KLHL1: variants seen among roughly 807,000 people sequenced by gnomAD.
KLHL1 encodes the protein kelch-like protein 1.
Under a neutral mutation model 77.7 loss-of-function variants are expected in KLHL1, and 47 were observed. That is an observed-to-expected ratio of 0.60 (90% confidence interval 0.48 to 0.77). The LOEUF is 0.77. KLHL1 is among the 30% of genes least tolerant of loss of function. The pLI is 0.00. For synonymous variants in KLHL1, 360 were observed against 325.2 expected (o/e 1.11, Z -1.15); for missense variants, 925 against 910.8 (o/e 1.02, Z -0.20).
At chr13:69,944,563 C>A (rs933038172) in intron 3 of KLHL1, among the ~76,000 whole-genome samples, 22 of 152,116 alleles carry the variant, frequency 1.4e-4, no homozygotes, top group Admixed American at 6.6e-5. Flanking sequence ...AATCAGAAGT[C>A]CTGAGATGGT....
At chr13:69,933,619 A>G (rs1415938609) in intron 4 of KLHL1, among the ~76,000 whole-genome samples, 2 of 152,014 alleles carry the variant, frequency 1.3e-5, no homozygotes, top group East Asian at 3.9e-4. Context: ...AAGGGCAGCT[A>G]CTCTTACACT....
At chr13:69,908,721 A>T (rs1237904535) in intron 4 of KLHL1, among the ~76,000 whole-genome samples, 1 of 151,664 alleles carries the variant, frequency 6.6e-6, no homozygotes, top group Non-Finnish European at 1.5e-5. Context: ...CCAAAGTCAC[A>T]GAGAATACTG....
chr13:69,894,645 T>G (rs1375531997), intron 4 of KLHL1: 1 of 160,870 alleles, frequency 6.2e-6, no homozygotes, highest in Non-Finnish European at 1.4e-5. Context: ...CCAATCAATC[T>G]CAACAAAGTG....
intron 1 of KLHL1, among the ~76,000 whole-genome samples, chr13:70,030,184 A>T (rs1372746264): frequency 6.6e-6 from 1 of 152,148 alleles, no homozygotes; most frequent in Non-Finnish European, 1.5e-5. Context: ...AGACAGATCA[A>T]CGAGACAGAA....
Position 69,831,635 on chromosome 13 carries a change from G to A in KLHL1, c.1414+7341C>T, listed in dbSNP as rs569795226. Among the ~76,000 whole-genome samples, 7 of 149,612 alleles carry A rather than the reference G, an allele frequency of 4.7e-5. 1 individual carries two copies. The highest frequency in any genetic ancestry group is 1.0e-4 in the African/African-American group (4 of 39,944). On this transcript the variant is annotated intron_variant, in intron 6 of 10. Coordinates refer to ENST00000377844, the MANE Select transcript of KLHL1 (RefSeq NM_020866.3). Reference sequence around the variant, plus strand: ...TCACCCTAATACCAAAACCAGGAAAGGACATAATAAAAAAGAAAACTACAG... The same window carrying A: ...TCACCCTAATACCAAAACCAGGAAAAGACATAATAAAAAAGAAAACTACAG...
Position 69,882,640 on chromosome 13 carries a change from T to G in KLHL1, c.1015-145A>C, listed in dbSNP as rs1881045451. The G allele has an allele frequency of 4.8e-6, 3 of 621,158 alleles. No homozygotes were observed. In the African/African-American group the frequency reaches 5.5e-5, roughly 11 times the overall value. 38.5% of individuals were successfully genotyped at this position (621,158 alleles called of 1,614,324 possible). On this transcript the variant is annotated intron_variant, in intron 4 of 10. Coordinates refer to ENST00000377844, the MANE Select transcript of KLHL1 (RefSeq NM_020866.3). The stretch of plus-strand genomic sequence containing the variant: ...ACTCGATCCTTCAGAAACTAGAGGC[T>G]GTTAAGATGAAAGCATTGTAATTGT...
intron 5 of KLHL1, among the ~76,000 whole-genome samples, chr13:69,840,698 A>ATATGTATGTATGTATGTATG (rs200339697): frequency 6.8e-6 from 1 of 146,276 alleles, no homozygotes; most frequent in Non-Finnish European, 1.5e-5. Flanking sequence ...ATATATATAT[A>ATATGTATGTATGTATGTATG]TATGTATGTA....
intron 1 of KLHL1, among the ~76,000 whole-genome samples, chr13:70,079,990 G>T (rs1384499764): frequency 6.6e-6 from 1 of 152,180 alleles, no homozygotes; most frequent in East Asian, 1.9e-4. Flanking sequence ...GAATCCCATA[G>T]TTCTTGATCC....
In KLHL1 at chr13:69,920,776, GAGA is replaced by G. The variant is rs199679340; in HGVS notation, c.1014+19261_1014+19263del. On this transcript the variant is annotated intron_variant, in intron 4 of 10. Coordinates refer to ENST00000377844, the MANE Select transcript of KLHL1 (RefSeq NM_020866.3). ...TCACAATTGCTCTTAAGAAAAATAA[GAGA>G]AGGTCAGCAAAAATATGTGTTTACA... Among the ~76,000 whole-genome samples, 928 of 152,146 alleles carry G rather than the reference GAGA, an allele frequency of 6.1e-3. 8 individuals carry two copies. Among genetic ancestry groups the G allele is most frequent in the African/African-American group, 0.02 (810 of 41,534 alleles).
chr13:69,890,926 ATAT>A (rs1008130702), intron 4 of KLHL1, among the ~76,000 whole-genome samples: 3 of 152,166 alleles, frequency 2.0e-5, no homozygotes, highest in Admixed American at 2.0e-4. Context: ...TGTTTAATTA[ATAT>A]TATTCAAATT....
intron 5 of KLHL1, among the ~76,000 whole-genome samples, chr13:69,852,225 G>A (rs1224118349): frequency 6.6e-6 from 1 of 151,874 alleles, no homozygotes; most frequent in Non-Finnish European, 1.5e-5. Context: ...CATCTGCAAG[G>A]CTCCTTCACA....
chr13:69,908,743 TTTTGTCTCC>T lies in KLHL1; in HGVS notation c.1015-26257_1015-26249del, dbSNP rs1882129256. On this transcript the variant is annotated intron_variant, in intron 4 of 10. Coordinates refer to ENST00000377844, the MANE Select transcript of KLHL1 (RefSeq NM_020866.3). ...CACAGAGAATACTGGTTTATATTAT[TTTTGTCTCC>T]TTTGATAAATAAAGGCTGAACAGAA... Among the ~76,000 whole-genome samples, 8 of 151,548 alleles carry T rather than the reference TTTTGTCTCC, an allele frequency of 5.3e-5. No homozygotes were observed. In the South Asian group the frequency reaches 1.7e-3, roughly 31 times the overall value.
intron 5 of KLHL1, among the ~76,000 whole-genome samples, chr13:69,880,601 T>C (rs1240235473): frequency 6.6e-6 from 1 of 152,132 alleles, no homozygotes; most frequent in African/African-American, 2.4e-5. Context: ...ACATATAATG[T>C]ATAGCCTTAG....
intron 1 of KLHL1, among the ~76,000 whole-genome samples, chr13:70,088,674 A>C (rs1466773831): frequency 6.6e-6 from 1 of 152,174 alleles, no homozygotes; most frequent in Non-Finnish European, 1.5e-5. Flanking sequence ...ACAGAGCAAG[A>C]CCCTGTCTCA....
intron 7 of KLHL1, 59 bp downstream of exon 7, chr13:69,796,679 T>G: frequency 8.5e-7 from 1 of 1,182,838 alleles, no homozygotes. Flanking sequence ...TATTTTATCA[T>G]ATAGTTACAT....
chr13:69,727,275 T>C (rs530913194), intron 8 of KLHL1, among the ~76,000 whole-genome samples: 1 of 152,292 alleles, frequency 6.6e-6, no homozygotes, highest in South Asian at 2.1e-4. Context: ...TTAATACTGA[T>C]CTTGCCACAC....
chr13:69,992,051 G>A (rs948641513), intron 1 of KLHL1, among the ~76,000 whole-genome samples: 1 of 151,916 alleles, frequency 6.6e-6, no homozygotes, highest in Non-Finnish European at 1.5e-5. Flanking sequence ...CAAGCCCTCT[G>A]GGAGGTTCTG....
chr13:69,848,690 T>G (rs1317071708), intron 5 of KLHL1, among the ~76,000 whole-genome samples: 1 of 151,516 alleles, frequency 6.6e-6, no homozygotes, highest in Admixed American at 6.6e-5. Context: ...ATTTGAATGA[T>G]TCCTCCTCAA....
At chr13:70,001,592 TATC>T in intron 1 of KLHL1, among the ~76,000 whole-genome samples, 1 of 151,074 alleles carries the variant, frequency 6.6e-6, no homozygotes, top group African/African-American at 2.4e-5. Context: ...TCTATCTATC[TATC>T]TATCTATCTA....
Sources: allele counts gnomAD v4.1 joint callset (sites outside exome capture counted in the v4.1 genomes callset), GRCh38; gene constraint gnomAD v4.1.1; transcripts MANE v1.5; gene names NCBI Gene and HGNC (gene_info 2026-07-23, HGNC 2026-07-21).